SUCLG1: variants seen among roughly 807,000 people sequenced by gnomAD.
The protein encoded by SUCLG1 is succinate-CoA ligase GDP/ADP-forming subunit alpha.
SUCLG1 carries 26 observed loss-of-function variants against 37.3 expected under a neutral mutation model. The observed-to-expected ratio is 0.70, with a 90% CI of 0.51 to 0.97. The LOEUF (loss-of-function observed/expected upper bound fraction) is 0.97. SUCLG1 is among the 50% of genes least tolerant of loss of function. The pLI is 0.00. For missense variants in SUCLG1, 433 were observed against 432.9 expected, an observed-to-expected ratio of 1.00 and a Z score of 0.00; for synonymous variants, 163 against 155.6, an observed-to-expected ratio of 1.05 and a Z score of -0.36.
At chr2:84,443,200 A>T in intron 3 of SUCLG1, 84 bp downstream of exon 3, 1 of 1,248,972 alleles carries the variant, frequency 8.0e-7, no homozygotes, top group African/African-American at 1.5e-5. Flanking sequence ...TCTACCAAAA[A>T]AACATAATTA....
At chr2:84,450,610 C>G (rs1198525320) in intron 1 of SUCLG1, among the ~76,000 whole-genome samples, 2 of 152,092 alleles carry the variant, frequency 1.3e-5, no homozygotes, top group African/African-American at 4.8e-5. Flanking sequence ...CATCCCTGGC[C>G]CTTTCAAAGT....
chr2:84,428,008 C>A (rs1263829320), intron 7 of SUCLG1, among the ~76,000 whole-genome samples: 1 of 152,196 alleles, frequency 6.6e-6, no homozygotes, highest in Admixed American at 6.5e-5. Flanking sequence ...CACTAAGATG[C>A]AGCATGCAAG....
intron 1 of SUCLG1, among the ~76,000 whole-genome samples, chr2:84,455,767 C>T (rs138468151): frequency 0.022 from 3,174 of 147,470 alleles, 113 homozygotes; most frequent in African/African-American, 0.076. Flanking sequence ...ACCTGGGAGG[C>T]GGAGCTTGCA....
At chr2:84,436,636 A>T (rs1245697608) in intron 5 of SUCLG1, among the ~76,000 whole-genome samples, 1 of 152,226 alleles carries the variant, frequency 6.6e-6, no homozygotes, top group African/African-American at 2.4e-5. Flanking sequence ...TTTATCTAAT[A>T]ATCTTGGCTT....
chr2:84,437,005 C>A (rs1340660244), intron 5 of SUCLG1, among the ~76,000 whole-genome samples: 1 of 152,134 alleles, frequency 6.6e-6, no homozygotes, highest in African/African-American at 2.4e-5. Flanking sequence ...ACTTACTGAA[C>A]CCTAATGCAT....
chr2:84,431,650 C>T lies in SUCLG1; in HGVS notation c.683G>A (p.Gly228Asp), dbSNP rs1247709937. Residue 228 changes from glycine (G) to aspartate (D), a missense_variant, in exon 7 of 9, where the codon GGT (glycine) becomes GAT (aspartate). Coordinates refer to ENST00000393868, the MANE Select transcript of SUCLG1 (RefSeq NM_003849.4). ...LGQSLCVGIG[G>D]DPFNGTDFID... ...AAAATCTGTTCCATTAAAAGGATCA[C>T]CTCCAATGCCTGAAAAAGTTGAAAA... 3 of 1,613,794 alleles carry T rather than the reference C, an allele frequency of 1.9e-6. No individual in the cohort carries two copies. The highest frequency in any genetic ancestry group is 2.5e-6 in the Non-Finnish European group (3 of 1,179,904).
At position 84,438,016 on chromosome 2, in the gene SUCLG1, A is replaced by T. The variant is rs180817299; in HGVS notation, c.589+3031T>A. On this transcript the variant is annotated intron_variant, in intron 5 of 8. Transcript: ENST00000393868. The stretch of plus-strand genomic sequence containing the variant: ...ATAACATTCTTGACATGACAAAATT[A>T]TACAATTGGAGAGTAGATTACTGGT... 1.4e-4 allele frequency among the ~76,000 whole-genome samples: 22 copies of T among 152,348 alleles called. No homozygotes were observed. The East Asian group carries it at 3.7e-3, about 25-fold the overall frequency.
chr2:84,455,998 C>A (rs150235632), intron 1 of SUCLG1, among the ~76,000 whole-genome samples: 22 of 152,236 alleles, frequency 1.4e-4, no homozygotes, highest in African/African-American at 5.1e-4. Flanking sequence ...CATGGCTACA[C>A]TGGTACATCT....
Position 84,443,400 on chromosome 2 carries a change from C to G in SUCLG1, c.202G>C (p.Gly68Arg). 6.2e-7 allele frequency: 1 copy of G among 1,613,920 alleles called. No homozygotes were observed. Among genetic ancestry groups the G allele is most frequent in the Non-Finnish European group, 8.5e-7 (1 of 1,179,890 alleles). The change falls in exon 3 of 9, where the codon GGC (glycine) becomes CGC (arginine). Residue 68 changes from glycine (G) to arginine (R), a missense_variant and splice_region_variant. Physicochemically the swap from Gly to Arg is moderately radical, Grantham distance 125. Transcript: ENST00000393868. ...IICQGFTGKQ[G>R]TFHSQQALEY... ...AATGCCTGCTGGCTGTGAAAGGTGC[C>G]CTGAGGGGAAAAAGCACAAGATCCA...
At chr2:84,442,906 G>A (rs111920777) in intron 3 of SUCLG1, among the ~76,000 whole-genome samples, 103 of 152,262 alleles carry the variant, frequency 6.8e-4, no homozygotes, top group African/African-American at 1.3e-3. Context: ...ACCTACCTCC[G>A]AGGGTTGTAG....
chr2:84,431,442 AT>A, intron 7 of SUCLG1, 65 bp downstream of exon 7: 1 of 1,597,190 alleles, frequency 6.3e-7, no homozygotes, highest in South Asian at 1.1e-5. Flanking sequence ...AAAAATAAAA[AT>A]AACTTCTGAA....
In SUCLG1 at chr2:84,459,209, G is replaced by C. The variant is rs1265235920; in HGVS notation, c.61C>G (p.Leu21Val). 1.9e-6 allele frequency: 3 copies of C among 1,550,088 alleles called. No individual in the cohort carries two copies. Among genetic ancestry groups the C allele is most frequent in the South Asian group, 1.2e-5 (1 of 84,034 alleles). The part of the protein sequence containing the change: ...IATMVSGSSG[L>V]AAARLLSRSF... Reference sequence around the variant, plus strand: ...CGCGACAGGAGACGGGCGGCGGCGAGGCCGCTGCTGCCGGAGACCATGGTA... The same window carrying C: ...CGCGACAGGAGACGGGCGGCGGCGACGCCGCTGCTGCCGGAGACCATGGTA... Residue 21 changes from leucine (L) to valine (V), a missense_variant, in exon 1 of 9, where the codon CTC becomes GTC. Transcript: ENST00000393868.
Position 84,459,172 on chromosome 2 carries a change from C to A in SUCLG1, c.97+1G>T. On this transcript the variant is annotated splice_donor_variant, in intron 1 of 8. Transcript: ENST00000393868. LOFTEE classifies it high-confidence loss of function. ...AGGAAGACAGTACTGGCTGGACTCACGGAGGAAGCTGCGCGACAGGAGACG... is the reference window on the plus strand; with the variant it reads ...AGGAAGACAGTACTGGCTGGACTCAAGGAGGAAGCTGCGCGACAGGAGACG... The A allele has an allele frequency of 6.5e-7, 1 of 1,549,264 alleles. No homozygotes were observed. Among genetic ancestry groups the A allele is most frequent in the Non-Finnish European group, 8.7e-7 (1 of 1,146,166 alleles).
intron 2 of SUCLG1, among the ~76,000 whole-genome samples, chr2:84,444,936 T>C (rs574930960): frequency 6.6e-6 from 1 of 152,354 alleles, no homozygotes; most frequent in Admixed American, 6.5e-5. Flanking sequence ...TGAACATTGC[T>C]GTTATCCTGT....
rs541557839 is a variant in SUCLG1, at chr2:84,446,567, T to C, written c.201+3082A>G. Among the ~76,000 whole-genome samples, 3 of 152,272 alleles carry C rather than the reference T, an allele frequency of 2.0e-5. No homozygotes were observed. The East Asian group carries it at 5.8e-4, about 29-fold the overall frequency. On this transcript the variant is annotated intron_variant, in intron 2 of 8. Transcript: ENST00000393868. Reference sequence around the variant, plus strand: ...AGCATGTTAATTAATTTGTCTAAAGTCAGGGGCAGGGTTTTGAAAGAACCA... The same window carrying C: ...AGCATGTTAATTAATTTGTCTAAAGCCAGGGGCAGGGTTTTGAAAGAACCA...
Position 84,427,905 on chromosome 2 carries a change from C to T in SUCLG1, c.826-2302G>A, listed in dbSNP as rs373522027. ...TTTGCATTGCTTCATCAAGGACACTCATAAGTGAAACTGGCTTTTTTTTTC... is the reference window on the plus strand; with the variant it reads ...TTTGCATTGCTTCATCAAGGACACTTATAAGTGAAACTGGCTTTTTTTTTC... On this transcript the variant is annotated intron_variant, in intron 7 of 8. Transcript: ENST00000393868. 1.6e-4 allele frequency among the ~76,000 whole-genome samples: 24 copies of T among 152,304 alleles called. No individual in the cohort carries two copies. In the East Asian group the frequency reaches 3.5e-3, roughly 22 times the overall value.
chr2:84,444,086 C>T lies in SUCLG1; in HGVS notation c.202-686G>A, dbSNP rs140028192. On this transcript the variant is annotated intron_variant, in intron 2 of 8. Coordinates refer to ENST00000393868, the MANE Select transcript of SUCLG1 (RefSeq NM_003849.4). The stretch of plus-strand genomic sequence containing the variant: ...ATGCCAGTAGCACACCCTCCTAACT[C>T]TCATAATTCCATCCAGTTAATGACA... Among the ~76,000 whole-genome samples the T allele has an allele frequency of 5.5e-3, 838 of 152,252 alleles. 4 individuals are homozygous for T. Among genetic ancestry groups the T allele is most frequent in the Non-Finnish European group, 9.0e-3 (611 of 68,006 alleles).
In SUCLG1 at chr2:84,433,442, G is replaced by A. The variant is rs537348295; in HGVS notation, c.590-7C>T. On this transcript the variant is annotated splice_polypyrimidine_tract_variant and splice_region_variant and intron_variant, in intron 5 of 8. Transcript: ENST00000393868. ...CCAGATCTGGACACAATGCCTTAAC[G>A]AAAGAGAATTCAAAAATATTAGATT... 2.2e-4 allele frequency: 356 copies of A among 1,612,338 alleles called. 2 individuals are homozygous for A. The South Asian group carries it at 3.2e-3, about 15-fold the overall frequency.
rs889439553 is a variant in SUCLG1, at chr2:84,431,039, G to A, written c.825+469C>T. 1.3e-5 allele frequency among the ~76,000 whole-genome samples: 2 copies of A among 152,180 alleles called. 1 individual carries two copies. The highest frequency in any genetic ancestry group is 2.9e-5 in the Non-Finnish European group (2 of 68,032). On this transcript the variant is annotated intron_variant, in intron 7 of 8. Transcript: ENST00000393868. ...AGTAAAGCTTTTCTACTTGATCTCT[G>A]AAGGGAAGTGCCATTCCACAAGGAA...
Sources: gnomAD v4.1 joint callset for allele counts (sites outside exome capture counted in the v4.1 genomes callset) on GRCh38, gnomAD v4.1.1 for gene constraint, MANE v1.5 for transcripts, NCBI Gene and HGNC (gene_info 2026-07-23, HGNC 2026-07-21) for gene names.